The following ADAMTS2 variants were observed in gnomAD, a reference collection of about 807,000 sequenced individuals.
ADAMTS2 encodes the protein ADAM metallopeptidase with thrombospondin type 1 motif 2.
In ADAMTS2, 50 loss-of-function variants were observed where a neutral mutation model predicts 123.0. The ratio of observed to expected loss-of-function variants is 0.41; its 90% CI spans 0.32 to 0.51. The LOEUF (loss-of-function observed/expected upper bound fraction) is 0.51, where lower values mean the gene tolerates loss of function less well. Ranked by LOEUF, ADAMTS2 falls within the 20% of genes least tolerant of loss-of-function variation. ADAMTS2 has a pLI of 0.35. For synonymous variants in ADAMTS2, 678 were observed against 695.4 expected (o/e 0.98, Z 0.39); for missense variants, 1,494 against 1,705.2 (o/e 0.88, Z 2.18).
At position 179,302,379 on chromosome 5, in the gene ADAMTS2, CAAAAAAAAAAA is replaced by C. The variant is rs1166990772; in HGVS notation, c.535-29326_535-29316del. ...TCTGGGCGACAGAGCAAGACCGTCTCAAAAAAAAAAAAAAAAAAAAAAAAAAAAGCGGGGGA... is the reference window on the plus strand; with the variant it reads ...TCTGGGCGACAGAGCAAGACCGTCTCAAAAAAAAAAAAAAAAAGCGGGGGA... On this transcript the variant is annotated intron_variant, in intron 2 of 21. Transcript: ENST00000251582. 2.1e-4 allele frequency among the ~76,000 whole-genome samples: 8 copies of C among 38,196 alleles called. No individual in the cohort carries two copies. In the East Asian group the frequency reaches 4.2e-3, roughly 20 times the overall value. The allele number at this position is 38,196 out of a possible 152,430, so 25.1% of individuals were successfully genotyped here.
chr5:179,210,111 C>T (rs988683646), intron 3 of ADAMTS2, among the ~76,000 whole-genome samples: 1 of 152,198 alleles, frequency 6.6e-6, no homozygotes, highest in African/African-American at 2.4e-5. Context: ...GGGGCCACCC[C>T]AGGGGTAGCC....
intron 2 of ADAMTS2, among the ~76,000 whole-genome samples, chr5:179,274,659 C>T (rs1766646064): frequency 1.3e-5 from 2 of 152,240 alleles, no homozygotes; most frequent in African/African-American, 4.8e-5. Context: ...TGAGCCCCAT[C>T]CTGTTGCTGG....
chr5:179,167,816 C>A (rs1581165164), intron 5 of ADAMTS2, among the ~76,000 whole-genome samples: 1 of 152,258 alleles, frequency 6.6e-6, no homozygotes, highest in Non-Finnish European at 1.5e-5. Flanking sequence ...TGGGGGGCTT[C>A]CGCCCATGAC....
chr5:179,225,517 A>C lies in ADAMTS2; in HGVS notation c.689-17802T>G, dbSNP rs1009194929. Reference sequence around the variant, plus strand: ...ATGTCCCCATCCTGTGCCTATAAAAACCCGAGACCCTAACAGGCAGACACA... The same window carrying C: ...ATGTCCCCATCCTGTGCCTATAAAACCCCGAGACCCTAACAGGCAGACACA... On this transcript the variant is annotated intron_variant, in intron 3 of 21. Coordinates refer to ENST00000251582, the MANE Select transcript of ADAMTS2 (RefSeq NM_014244.5). The surrounding 1 kb of genome is among the most constrained non-coding windows in gnomAD (Gnocchi z 4.5). 6.6e-6 allele frequency among the ~76,000 whole-genome samples: 1 copy of C among 152,018 alleles called. No individual in the cohort carries two copies. Among genetic ancestry groups the C allele is most frequent in the Non-Finnish European group, 1.5e-5 (1 of 68,004 alleles).
intron 3 of ADAMTS2, among the ~76,000 whole-genome samples, chr5:179,241,417 A>G (rs1372151509): frequency 6.6e-6 from 1 of 152,204 alleles, no homozygotes; most frequent in Non-Finnish European, 1.5e-5. Flanking sequence ...CAGCAGATCA[A>G]CCCAGCCGGG....
chr5:179,294,753 G>T (rs941945213), intron 2 of ADAMTS2, among the ~76,000 whole-genome samples: 1 of 152,374 alleles, frequency 6.6e-6, no homozygotes, highest in East Asian at 1.9e-4. Context: ...GCCAAGCGGA[G>T]GGGCTTGCTT....
chr5:179,133,019 A>G, intron 13 of ADAMTS2, 119 bp from the exon 14 acceptor site: 1 of 1,389,976 alleles, frequency 7.2e-7, no homozygotes, highest in Non-Finnish European at 9.9e-7. Context: ...TTGGCCTCCC[A>G]AAGCATTGGG....
rs561767442 is a variant in ADAMTS2, at chr5:179,229,806, T to C, written c.689-22091A>G. On this transcript the variant is annotated intron_variant, in intron 3 of 21. Coordinates refer to ENST00000251582, the MANE Select transcript of ADAMTS2 (RefSeq NM_014244.5). ...CACATCATCCCTCCTAAGTACCTTA[T>C]GGGAAATCGTAATTAGGCGTGAAAT... is the stretch of plus-strand genomic sequence containing the variant. Among the ~76,000 whole-genome samples the C allele has an allele frequency of 3.9e-5, 6 of 152,306 alleles. No individual in the cohort carries two copies. In the South Asian group the frequency reaches 1.2e-3, roughly 32 times the overall value.
Position 179,200,447 on chromosome 5 carries a change from T to C in ADAMTS2, c.891+7066A>G, listed in dbSNP as rs188159177. Among the ~76,000 whole-genome samples the C allele has an allele frequency of 2.2e-3, 337 of 152,110 alleles. 1 individual carries two copies. The highest frequency in any genetic ancestry group is 2.7e-3 in the South Asian group (13 of 4,810). ...TATTTTTAGTAGAGATGAGGTTTTG[T>C]CATGTTGGCCAGGCTCGTCTCGAAC... is the stretch of plus-strand genomic sequence containing the variant. On this transcript the variant is annotated intron_variant, in intron 4 of 21. Transcript: ENST00000251582.
At chr5:179,121,604 A>G in intron 21 of ADAMTS2, 57 bp downstream of exon 21, 1 of 1,428,308 alleles carries the variant, frequency 7.0e-7, no homozygotes, top group Non-Finnish European at 9.6e-7. Context: ...GGCAAGCTCC[A>G]CAGGGCGCAG....
intron 2 of ADAMTS2, among the ~76,000 whole-genome samples, chr5:179,309,619 A>G (rs1355758744): frequency 6.6e-6 from 1 of 152,106 alleles, no homozygotes; most frequent in African/African-American, 2.4e-5. Flanking sequence ...ATAGCCACGC[A>G]TGGTGGCACG....
Position 179,189,663 on chromosome 5 carries a change from A to C in ADAMTS2, c.892-8508T>G, listed in dbSNP as rs1764259373. On this transcript the variant is annotated intron_variant, in intron 4 of 21. Transcript: ENST00000251582. The surrounding 1 kb of genome is among the most constrained non-coding windows in gnomAD (Gnocchi z 4.2). Reference sequence around the variant, plus strand: ...TGAGCCACCGCGCCCGGCCAGGAGCAATTTTTTGTGGGCTGGGGACGGATT... The same window carrying C: ...TGAGCCACCGCGCCCGGCCAGGAGCCATTTTTTGTGGGCTGGGGACGGATT... 6.6e-6 allele frequency among the ~76,000 whole-genome samples: 1 copy of C among 151,396 alleles called. No individual in the cohort carries two copies. The highest frequency in any genetic ancestry group is 1.9e-4 in the East Asian group (1 of 5,132).
At chr5:179,190,099 G>A (rs927534349) in intron 4 of ADAMTS2, among the ~76,000 whole-genome samples, 2 of 152,198 alleles carry the variant, frequency 1.3e-5, no homozygotes, top group African/African-American at 4.8e-5. Flanking sequence ...GGATGTATAT[G>A]TGCAGGTCAC....
At chr5:179,219,318 T>C (rs1381045660) in intron 3 of ADAMTS2, among the ~76,000 whole-genome samples, 1 of 152,228 alleles carries the variant, frequency 6.6e-6, no homozygotes, top group Non-Finnish European at 1.5e-5. Flanking sequence ...CTGGACATCC[T>C]AATTCTTCAG....
chr5:179,322,849 C>T (rs958531020), intron 2 of ADAMTS2, among the ~76,000 whole-genome samples: 5 of 152,206 alleles, frequency 3.3e-5, no homozygotes, highest in Non-Finnish European at 7.3e-5. Flanking sequence ...CACAAGCTGG[C>T]GCCAGACCCC....
At chr5:179,310,905 A>G (rs1284996853) in intron 2 of ADAMTS2, among the ~76,000 whole-genome samples, 1 of 152,034 alleles carries the variant, frequency 6.6e-6, no homozygotes, top group Non-Finnish European at 1.5e-5. Flanking sequence ...GGCCCAGGAC[A>G]GCAGCTCAGC....
At chr5:179,294,752 A>G (rs934489938) in intron 2 of ADAMTS2, among the ~76,000 whole-genome samples, 2 of 152,236 alleles carry the variant, frequency 1.3e-5, no homozygotes, top group African/African-American at 4.8e-5. Context: ...GGCCAAGCGG[A>G]GGGGCTTGCT....
At chr5:179,247,946 A>C (rs1257590680) in intron 3 of ADAMTS2, among the ~76,000 whole-genome samples, 1 of 152,188 alleles carries the variant, frequency 6.6e-6, no homozygotes, top group Non-Finnish European at 1.5e-5. Context: ...AATGAAGAAT[A>C]CTAATAAAGG....
At chr5:179,276,624 C>T (rs923061821) in intron 2 of ADAMTS2, among the ~76,000 whole-genome samples, 1 of 152,186 alleles carries the variant, frequency 6.6e-6, no homozygotes, top group African/African-American at 2.4e-5. Context: ...AGCTTGCTTT[C>T]CAAATGAGGA....
Sources: allele counts gnomAD v4.1 joint callset (sites outside exome capture counted in the v4.1 genomes callset), GRCh38; gene constraint gnomAD v4.1.1; non-coding constraint Gnocchi (gnomAD v3.1); transcripts MANE v1.5; gene names NCBI Gene and HGNC (gene_info 2026-07-23, HGNC 2026-07-21).